The following ITPRID2 variants were observed in gnomAD, a reference collection of about 807,000 sequenced individuals.
The protein encoded by ITPRID2 is ITPR interacting domain containing 2, also known as protein ITPRID2.
In ITPRID2, 60 loss-of-function variants were observed where a neutral mutation model predicts 124.3. The ratio of observed to expected loss-of-function variants is 0.48; its 90% CI spans 0.39 to 0.60. ITPRID2 has a LOEUF of 0.60. Ranked by LOEUF, ITPRID2 falls within the 20% of genes least tolerant of loss-of-function variation. The probability of loss-of-function intolerance (pLI) is 0.00; values close to 1 mark genes in which losing one functional copy is unlikely to be tolerated. For synonymous variants in ITPRID2, 521 were observed against 542.9 expected (o/e 0.96, Z 0.56); for missense variants, 1,553 against 1,512.2 (o/e 1.03, Z -0.45).
chr2:181,913,069 A>AT (rs200694653), intron 9 of ITPRID2, among the ~76,000 whole-genome samples: 4,033 of 151,124 alleles, frequency 0.027, 85 homozygotes, highest in East Asian at 0.091. Flanking sequence ...GTATTTATTT[A>AT]TTTATTTATT....
chr2:181,909,663 CA>C (rs1295186662), intron 8 of ITPRID2, among the ~76,000 whole-genome samples: 3 of 152,046 alleles, frequency 2.0e-5, no homozygotes, highest in Non-Finnish European at 4.4e-5. Context: ...TAATTTCCAT[CA>C]GTTATTTTTC....
In ITPRID2 at chr2:181,896,129, C is replaced by T. The variant is rs189199210; in HGVS notation, c.307+50C>T. The T allele has an allele frequency of 2.0e-5, 30 of 1,483,638 alleles. No individual in the cohort carries two copies. The East Asian group carries it at 5.7e-4, about 28-fold the overall frequency. 91.9% of individuals were successfully genotyped at this position (1,483,638 alleles called of 1,614,324 possible). ...TCTGTTCTTTATGACAGTTCTACTT[C>T]TTTGTCCTCTGGGTAAAAGTGTATA... is the stretch of plus-strand genomic sequence containing the variant. On this transcript the variant is annotated intron_variant, in intron 3 of 17. Transcript: ENST00000431877. This position sits in a 1 kb window ranked among gnomAD's most constrained non-coding sequence, Gnocchi z 4.3.
chr2:181,920,306 C>T (rs1694387666), intron 14 of ITPRID2, among the ~76,000 whole-genome samples: 1 of 152,068 alleles, frequency 6.6e-6, no homozygotes, highest in Non-Finnish European at 1.5e-5. Flanking sequence ...TACTTTTCAA[C>T]ATGGTTTTGA....
intron 10 of ITPRID2, among the ~76,000 whole-genome samples, chr2:181,914,499 A>T (rs1693874012): frequency 6.6e-6 from 1 of 152,228 alleles, no homozygotes; most frequent in African/African-American, 2.4e-5. Context: ...GCCTTTAGGA[A>T]CATAGCATTT....
chr2:181,919,521 C>A lies in ITPRID2; in HGVS notation c.3144+75C>A. On this transcript the variant is annotated intron_variant, in intron 14 of 17. Transcript: ENST00000431877. This position sits in a 1 kb window ranked among gnomAD's most constrained non-coding sequence, Gnocchi z 4.2. ...ATGTTCCAATAATTTAGGACGTGTG[C>A]CTTCATTTCAAGTCATTTATTTTAA... 7.0e-7 allele frequency: 1 copy of A among 1,425,752 alleles called. No individual in the cohort carries two copies. The highest frequency in any genetic ancestry group is 9.2e-7 in the Non-Finnish European group (1 of 1,082,368). 88.3% of individuals were successfully genotyped at this position (1,425,752 alleles called of 1,614,324 possible). A position where few individuals can be genotyped will look rare whatever the true frequency, so the allele number is the denominator to read the frequency against.
Position 181,927,318 on chromosome 2 carries a change from A to G in ITPRID2, c.3676-843A>G, listed in dbSNP as rs551631343. On this transcript the variant is annotated intron_variant, in intron 16 of 17. Transcript: ENST00000431877. ...TTATTTGGGAACACATTATCACTTTATTTCAGGAAATACACATTTATAGCT... is the reference window on the plus strand; with the variant it reads ...TTATTTGGGAACACATTATCACTTTGTTTCAGGAAATACACATTTATAGCT... Among the ~76,000 whole-genome samples, 3 of 152,320 alleles carry G rather than the reference A, an allele frequency of 2.0e-5. No homozygotes were observed. The South Asian group carries it at 6.2e-4, about 32-fold the overall frequency.
chr2:181,918,532 C>G, intron 11 of ITPRID2, 66 bp from the exon 12 acceptor site: 1 of 1,594,600 alleles, frequency 6.3e-7, no homozygotes, highest in Non-Finnish European at 8.5e-7. Context: ...TGCCTTTTAA[C>G]CCCTTAAGTG....
chr2:181,897,031 A>G (rs1692258911), intron 4 of ITPRID2, 67 bp downstream of exon 4: 1 of 1,383,022 alleles, frequency 7.2e-7, no homozygotes, highest in Non-Finnish European at 1.0e-6. Context: ...AGAAAGCTGA[A>G]TGGTTTCAGG....
chr2:181,913,130 C>T (rs761050830), intron 9 of ITPRID2, among the ~76,000 whole-genome samples: 1 of 151,892 alleles, frequency 6.6e-6, no homozygotes, highest in African/African-American at 2.4e-5. Flanking sequence ...TGCAGTGGCA[C>T]AATCTTGGCT....
chr2:181,902,067 A>G lies in ITPRID2; in HGVS notation c.1014A>G (p.Lys338=). ...NVSVIEESGN[K]NDQKSQKIMK... ...CAGTGATTGAAGAAAGTGGCAATAA[A>G]AACGATCAAAAGTCTCAAAAAATTA... The change falls in exon 8 of 18, where the codon AAA becomes AAG. Residue 338 remains lysine (K), a synonymous_variant. Coordinates refer to ENST00000431877, the MANE Select transcript of ITPRID2 (RefSeq NM_001130445.3). The surrounding 1 kb of genome is among the most constrained non-coding windows in gnomAD (Gnocchi z 4.4). 6.2e-7 allele frequency: 1 copy of G among 1,611,860 alleles called. No individual in the cohort carries two copies.
At chr2:181,909,162 G>T (rs912237501) in intron 8 of ITPRID2, among the ~76,000 whole-genome samples, 1 of 152,118 alleles carries the variant, frequency 6.6e-6, no homozygotes, top group Non-Finnish European at 1.5e-5. Flanking sequence ...TGTTTTCAGG[G>T]AAGATTTATG....
At chr2:181,897,082 C>T (rs1197617985) in intron 4 of ITPRID2, 118 bp downstream of exon 4, 3 of 830,472 alleles carry the variant, frequency 3.6e-6, no homozygotes, top group Non-Finnish European at 6.1e-6. Context: ...TTGAAAATGG[C>T]TCAGGCATAT....
intron 11 of ITPRID2, chr2:181,916,651 T>G: frequency 1.4e-6 from 1 of 727,640 alleles, no homozygotes; most frequent in Non-Finnish European, 2.0e-6. Flanking sequence ...CTCACAAGTC[T>G]GTCTCCTTTC....
Position 181,892,490 on chromosome 2 carries a change from C to T in ITPRID2, c.212-125C>T. The T allele has an allele frequency of 2.3e-6, 3 of 1,293,498 alleles. No individual in the cohort carries two copies. Among genetic ancestry groups the T allele is most frequent in the South Asian group, 1.2e-5 (1 of 80,008 alleles). 80.1% of individuals were successfully genotyped at this position (1,293,498 alleles called of 1,614,324 possible). On this transcript the variant is annotated intron_variant, in intron 1 of 17. Coordinates refer to ENST00000431877, the MANE Select transcript of ITPRID2 (RefSeq NM_001130445.3). The surrounding 1 kb of genome is among the most constrained non-coding windows in gnomAD (Gnocchi z 5.2). ...GCCATCCGATTTCCCTGCCAAGGGA[C>T]ACTGAGACGTGTCGCTTAGGCTGCA... is the stretch of plus-strand genomic sequence containing the variant.
chr2:181,927,860 T>A (rs1694976928), intron 16 of ITPRID2, among the ~76,000 whole-genome samples: 1 of 152,196 alleles, frequency 6.6e-6, no homozygotes, highest in South Asian at 2.1e-4. Flanking sequence ...TTTTTTGACA[T>A]GAGGTAAAGT....
At chr2:181,909,694 CTGT>C (rs1230163592) in intron 8 of ITPRID2, among the ~76,000 whole-genome samples, 1 of 152,122 alleles carries the variant, frequency 6.6e-6, no homozygotes, top group South Asian at 2.1e-4. Flanking sequence ...AACTTGAGTG[CTGT>C]TGTTAACTGG....
rs1693187748 is a variant in ITPRID2 at position 181,907,012 on chromosome 2, A to G, written c.1414-2887A>G. On this transcript the variant is annotated intron_variant, in intron 8 of 17. Coordinates refer to ENST00000431877, the MANE Select transcript of ITPRID2 (RefSeq NM_001130445.3). The surrounding 1 kb of genome is among the most constrained non-coding windows in gnomAD (Gnocchi z 5.1). ...AAAATTAGACAGAATTGTAATTTCT[A>G]AAGCTCTAGTTTTGATTTTCTTTGA... Among the ~76,000 whole-genome samples, 1 of 152,226 alleles carries G rather than the reference A, an allele frequency of 6.6e-6. No individual in the cohort carries two copies. Among genetic ancestry groups the G allele is most frequent in the Non-Finnish European group, 1.5e-5 (1 of 68,030 alleles).
At position 181,896,073 on chromosome 2, in the gene ITPRID2, C is replaced by G; in HGVS notation, c.301C>G (p.Leu101Val). 1.2e-6 allele frequency: 2 copies of G among 1,612,696 alleles called. No homozygotes were observed. The highest frequency in any genetic ancestry group is 1.7e-6 in the Non-Finnish European group (2 of 1,178,860). The change falls in exon 3 of 18, where the codon CTC becomes GTC. Residue 101 changes from leucine (L) to valine (V), a missense_variant. Transcript: ENST00000431877. The surrounding 1 kb of genome is among the most constrained non-coding windows in gnomAD (Gnocchi z 4.3). ...ACTGGATGAACAAAGCAGTAGTACA[C>G]TCAAGGGTAAGAGAAGGTTGCCTTT... The part of the protein sequence containing the change: ...ASLDEQSSST[L>V]KGVLVRNGGS...
chr2:181,904,686 T>A (rs558989830), intron 8 of ITPRID2, among the ~76,000 whole-genome samples: 12 of 152,298 alleles, frequency 7.9e-5, no homozygotes, highest in African/African-American at 2.9e-4. Context: ...GTGAAAACCA[T>A]GAGTAAATAT....
Sources: allele counts gnomAD v4.1 joint callset (sites outside exome capture counted in the v4.1 genomes callset), GRCh38; gene constraint gnomAD v4.1.1; non-coding constraint Gnocchi (gnomAD v3.1); transcripts MANE v1.5; gene names NCBI Gene and HGNC (gene_info 2026-07-23, HGNC 2026-07-21).